PLCE1: variants seen among roughly 807,000 people sequenced by gnomAD.
PLCE1 encodes 1-phosphatidylinositol 4,5-bisphosphate phosphodiesterase epsilon-1.
In PLCE1, 119 loss-of-function variants were observed where a neutral mutation model predicts 242.8. The observed-to-expected ratio is 0.49, with a 90% CI of 0.42 to 0.57. PLCE1 has a LOEUF of 0.57. Among genes scored for constraint, PLCE1 ranks in the 20% least tolerant of loss-of-function variants. PLCE1 has a pLI of 0.00. For missense variants in PLCE1, 2,441 were observed against 2,788.8 expected (o/e 0.88, Z 2.81); for synonymous variants, 945 against 1,017.4 (o/e 0.93, Z 1.35).
intron 2 of PLCE1, among the ~76,000 whole-genome samples, chr10:94,053,769 A>G (rs2043829057): frequency 6.6e-6 from 1 of 152,248 alleles, no homozygotes; most frequent in Non-Finnish European, 1.5e-5. Context: ...GGAGCTGCCA[A>G]GATGCTAGTC....
intron 2 of PLCE1, among the ~76,000 whole-genome samples, chr10:94,035,355 T>C (rs548803732): frequency 6.6e-6 from 1 of 152,344 alleles, no homozygotes; most frequent in Non-Finnish European, 1.5e-5. Context: ...TTCTTTTCTA[T>C]AGCCCTGCTG....
chr10:94,321,824 C>T (rs1186099012), intron 29 of PLCE1, 77 bp from the exon 30 acceptor site: 2 of 1,080,480 alleles, frequency 1.9e-6, no homozygotes, highest in Non-Finnish European at 2.8e-6. Flanking sequence ...GATACAAGCT[C>T]AGATTTTTGC....
At chr10:94,069,988 G>A (rs747564758) in intron 2 of PLCE1, among the ~76,000 whole-genome samples, 15 of 151,894 alleles carry the variant, frequency 9.9e-5, no homozygotes, top group Non-Finnish European at 1.6e-4. Flanking sequence ...AGGGAAAGAG[G>A]AATTTCTCCT....
At chr10:94,179,519 T>G (rs1300524646) in intron 4 of PLCE1, among the ~76,000 whole-genome samples, 1 of 25,230 alleles carries the variant, frequency 4.0e-5, no homozygotes, top group African/African-American at 1.1e-4. Flanking sequence ...TTAGTTTTTT[T>G]TTTTTTTTTT....
intron 20 of PLCE1, chr10:94,283,165 A>G (rs760751403): frequency 1.3e-5 from 2 of 152,444 alleles, no homozygotes; most frequent in African/African-American, 2.4e-5. Context: ...AAAATATAAG[A>G]TTATATCTTA....
chr10:94,319,864 C>CTTTTTTTTTTTTTTTTTTTT (rs58610099), intron 29 of PLCE1, among the ~76,000 whole-genome samples: 22 of 92,932 alleles, frequency 2.4e-4, no homozygotes, highest in African/African-American at 4.9e-4. Context: ...CAAAGGTGCT[C>CTTTTTTTTTTTTTTTTTTTT]TTTTTTTTTT....
At chr10:94,309,324 T>A (rs1382560323) in intron 27 of PLCE1, among the ~76,000 whole-genome samples, 1 of 152,014 alleles carries the variant, frequency 6.6e-6, no homozygotes, top group Admixed American at 6.5e-5. Context: ...CTGCTTTTTT[T>A]TTTTTCCAGA....
intron 2 of PLCE1, among the ~76,000 whole-genome samples, chr10:94,069,224 A>G (rs1356773957): frequency 6.6e-6 from 1 of 152,238 alleles, no homozygotes. Flanking sequence ...AATGCTATAC[A>G]GTTGTCCCCA....
intron 2 of PLCE1, among the ~76,000 whole-genome samples, chr10:94,055,474 C>T (rs2043878788): frequency 6.6e-6 from 1 of 152,052 alleles, no homozygotes; most frequent in Non-Finnish European, 1.5e-5. Context: ...CACTATCACA[C>T]CCGGCTAATA....
intron 4 of PLCE1, among the ~76,000 whole-genome samples, chr10:94,199,654 G>T (rs1472416080): frequency 2.0e-5 from 3 of 152,218 alleles, no homozygotes; most frequent in African/African-American, 7.2e-5. Flanking sequence ...TAGATGCATT[G>T]TGGAGTTTGT....
At chr10:94,099,731 A>T (rs2045451391) in intron 2 of PLCE1, 1 of 152,224 alleles carries the variant, frequency 6.6e-6, no homozygotes, top group African/African-American at 2.4e-5. Context: ...TAAACATAAT[A>T]GGAATGTGGA....
At chr10:94,216,116 G>T (rs763355821) in intron 4 of PLCE1, among the ~76,000 whole-genome samples, 2 of 152,158 alleles carry the variant, frequency 1.3e-5, no homozygotes, top group South Asian at 2.1e-4. Context: ...AAATGATAAG[G>T]ACATATACCT....
intron 2 of PLCE1, chr10:94,094,652 A>G (rs1360932931): frequency 6.6e-6 from 1 of 152,244 alleles, no homozygotes; most frequent in Non-Finnish European, 1.5e-5. Context: ...ACCCTGGGTC[A>G]GTCATGGGTA....
intron 25 of PLCE1, among the ~76,000 whole-genome samples, chr10:94,305,597 T>C (rs1216908497): frequency 2.0e-5 from 3 of 152,190 alleles, no homozygotes; most frequent in African/African-American, 7.2e-5. Context: ...AACTGCTTTT[T>C]CTCTTTCCCT....
chr10:94,101,345 G>A (rs1233539611), intron 2 of PLCE1, among the ~76,000 whole-genome samples: 3 of 152,132 alleles, frequency 2.0e-5, no homozygotes, highest in African/African-American at 7.2e-5. Flanking sequence ...AAAAAATAAA[G>A]TAATACTGAA....
At chr10:94,287,743 G>T (rs2052508051) in intron 22 of PLCE1, among the ~76,000 whole-genome samples, 2 of 151,612 alleles carry the variant, frequency 1.3e-5, no homozygotes, top group South Asian at 4.2e-4. Flanking sequence ...AAAAAAAAAA[G>T]GATATGGTAT....
At chr10:94,242,988 C>G (rs938395008) in intron 7 of PLCE1, among the ~76,000 whole-genome samples, 1 of 152,050 alleles carries the variant, frequency 6.6e-6, no homozygotes, top group East Asian at 1.9e-4. Context: ...GATTCTTCAC[C>G]CTCAAGGAAG....
chr10:94,246,707 C>T (rs2050695867), intron 8 of PLCE1, 86 bp downstream of exon 8: 1 of 1,237,940 alleles, frequency 8.1e-7, no homozygotes, highest in Non-Finnish European at 1.2e-6. Context: ...GTTCATGCTC[C>T]CAGCTCTGAC....
chr10:94,091,186 A>G (rs1365220546), intron 2 of PLCE1, among the ~76,000 whole-genome samples: 7 of 152,208 alleles, frequency 4.6e-5, no homozygotes, highest in African/African-American at 2.4e-5. Flanking sequence ...AACAGTCGCC[A>G]TGGATTATCT....
Sources: allele counts gnomAD v4.1 joint callset (sites outside exome capture counted in the v4.1 genomes callset), GRCh38; gene constraint gnomAD v4.1.1; transcripts MANE v1.5; gene names NCBI Gene and HGNC (gene_info 2026-07-23, HGNC 2026-07-21).